The following FNBP1L variants were observed in gnomAD, a reference collection of about 807,000 sequenced individuals.
The protein encoded by FNBP1L is formin-binding protein 1-like.
Under a neutral mutation model 91.2 loss-of-function variants are expected in FNBP1L, and 36 were observed. That is an observed-to-expected ratio of 0.39 (90% CI 0.30 to 0.52). The LOEUF (loss-of-function observed/expected upper bound fraction) is 0.52, where lower values mean the gene tolerates loss of function less well. FNBP1L is among the 20% of genes least tolerant of loss of function. The pLI, the probability that FNBP1L is intolerant of heterozygous loss-of-function variation, is 0.66. For missense variants in FNBP1L, 571 were observed against 732.1 expected (o/e 0.78, Z 2.54); for synonymous variants, 242 against 237.0 (o/e 1.02, Z -0.19).
rs190879575 is a variant in FNBP1L, at chr1:93,523,515, A to G, written c.342+24A>G. 349 of 1,585,370 alleles carry G rather than the reference A, an allele frequency of 2.2e-4. 1 individual carries two copies. In the African/African-American group the frequency reaches 4.3e-3, roughly 20 times the overall value. ...TGGTAATTCTTACAATTTTCATCCA[A>G]TTGCAATAGTATATGAAATAGTCAC... On this transcript the variant is annotated intron_variant, in intron 4 of 16. Transcript: ENST00000271234.
At chr1:93,547,179 T>C (rs1226462011) in intron 13 of FNBP1L, among the ~76,000 whole-genome samples, 168 bp from the exon 14 acceptor site, 1 of 152,210 alleles carries the variant, frequency 6.6e-6, no homozygotes, top group African/African-American at 2.4e-5. Context: ...TTATACTATT[T>C]TTTTGAATCA....
At chr1:93,508,375 T>C (rs1266750524) in intron 2 of FNBP1L, among the ~76,000 whole-genome samples, 6 of 152,088 alleles carry the variant, frequency 3.9e-5, no homozygotes, top group Admixed American at 3.9e-4. Context: ...GTGTCTTCTT[T>C]CAGAGCATAT....
chr1:93,551,780 C>T (rs1332341293), intron 16 of FNBP1L: 3 of 985,162 alleles, frequency 3.0e-6, no homozygotes, highest in Admixed American at 6.2e-5. Flanking sequence ...TTGTTTGAGA[C>T]CTCAAAATAT....
chr1:93,494,433 G>A (rs987368935), intron 1 of FNBP1L, among the ~76,000 whole-genome samples: 1 of 152,106 alleles, frequency 6.6e-6, no homozygotes, highest in Admixed American at 6.5e-5. Context: ...ATTAATTATT[G>A]TTGATTAAAT....
intron 2 of FNBP1L, among the ~76,000 whole-genome samples, chr1:93,501,927 A>G (rs1670450678): frequency 6.6e-6 from 1 of 152,178 alleles, no homozygotes; most frequent in Non-Finnish European, 1.5e-5. Context: ...AGGTGTTTGC[A>G]CAAAACTCTT....
Position 93,551,005 on chromosome 1 carries a change from G to T in FNBP1L, c.1710G>T (p.Glu570Asp), listed in dbSNP as rs773891724. ...KEGEVLYIIE[E>D]DKGDGWTRAR... ...GTGAAGTTCTCTACATTATAGAGGA[G>T]GACAAAGGTGACGGATGGACAAGAG... Residue 570 changes from glutamate (E) to aspartate (D), a missense_variant, in exon 16 of 17, where the codon GAG becomes GAT. Glu to Asp is a conservative substitution (Grantham distance 45, BLOSUM62 2). Around this residue, in one of 5 missense-constraint regions of FNBP1L, gnomAD observed 189 missense variants for 219.7 expected, o/e 0.86. Coordinates refer to ENST00000271234, the MANE Select transcript of FNBP1L (RefSeq NM_001164473.3). 21 of 1,612,532 alleles carry T rather than the reference G, an allele frequency of 1.3e-5. No homozygotes were observed. In the African/African-American group the frequency reaches 2.7e-4, roughly 21 times the overall value.
chr1:93,468,815 CTATTTTTAACCATTT>C (rs559019962), intron 1 of FNBP1L, among the ~76,000 whole-genome samples: 33 of 152,246 alleles, frequency 2.2e-4, no homozygotes, highest in African/African-American at 7.5e-4. Context: ...TATGGTAACT[CTATTTTTAACCATTT>C]TAGGAACTCC....
chr1:93,498,495 TTA>T (rs1322411842), intron 1 of FNBP1L, among the ~76,000 whole-genome samples: 5 of 152,140 alleles, frequency 3.3e-5, no homozygotes, highest in Admixed American at 6.5e-5. Flanking sequence ...TTTTGATGGT[TTA>T]AGGTAGAGAA....
chr1:93,491,676 A>C (rs1467140293), intron 1 of FNBP1L, among the ~76,000 whole-genome samples: 2 of 152,216 alleles, frequency 1.3e-5, no homozygotes, highest in East Asian at 3.8e-4. Context: ...CTTGTAGCTA[A>C]ACTTGTATTA....
chr1:93,515,479 G>A lies in FNBP1L; in HGVS notation c.141-6603G>A, dbSNP rs1348390454. Among the ~76,000 whole-genome samples, 4 of 151,984 alleles carry A rather than the reference G, an allele frequency of 2.6e-5. No individual in the cohort carries two copies. In the East Asian group the frequency reaches 5.8e-4, roughly 22 times the overall value. On this transcript the variant is annotated intron_variant, in intron 2 of 16. Coordinates refer to ENST00000271234, the MANE Select transcript of FNBP1L (RefSeq NM_001164473.3). ...ACACATGCACACGTATATTTATTGC[G>A]GCATTATTCGCAATAGCAAAGACTT...
chr1:93,517,709 C>T (rs531684559), intron 2 of FNBP1L, among the ~76,000 whole-genome samples: 36 of 152,228 alleles, frequency 2.4e-4, no homozygotes, highest in African/African-American at 8.7e-4. Flanking sequence ...TTAGTTCATC[C>T]TTACTGTTCT....
intron 2 of FNBP1L, among the ~76,000 whole-genome samples, chr1:93,515,864 T>C (rs957835815): frequency 6.6e-6 from 1 of 152,186 alleles, no homozygotes; most frequent in Non-Finnish European, 1.5e-5. Context: ...TGTATACATA[T>C]GTAGCTAACT....
chr1:93,509,976 T>C (rs969686422), intron 2 of FNBP1L, among the ~76,000 whole-genome samples: 8 of 152,172 alleles, frequency 5.3e-5, no homozygotes, highest in South Asian at 2.1e-4. Context: ...CACGGAGTCT[T>C]GCTGATTGCT....
chr1:93,497,916 G>T (rs1387568672), intron 1 of FNBP1L, among the ~76,000 whole-genome samples: 1 of 151,786 alleles, frequency 6.6e-6, no homozygotes, highest in African/African-American at 2.4e-5. Context: ...CACTGCGCCC[G>T]GCCATAATAT....
At chr1:93,453,015 C>G (rs939718256) in intron 1 of FNBP1L, among the ~76,000 whole-genome samples, 4 of 152,160 alleles carry the variant, frequency 2.6e-5, no homozygotes, top group Non-Finnish European at 5.9e-5. Flanking sequence ...TACATTGATA[C>G]CACTGCCCAG....
intron 2 of FNBP1L, among the ~76,000 whole-genome samples, chr1:93,520,817 T>G (rs1156982852): frequency 1.3e-5 from 2 of 152,028 alleles, no homozygotes; most frequent in East Asian, 3.9e-4. Context: ...CTGAGGCAGG[T>G]GGATCACCTG....
chr1:93,525,864 G>C (rs1489161958), intron 5 of FNBP1L, among the ~76,000 whole-genome samples: 1 of 152,160 alleles, frequency 6.6e-6, no homozygotes, highest in Non-Finnish European at 1.5e-5. Context: ...TGTTTTTGTA[G>C]CACTTGCAGT....
intron 1 of FNBP1L, among the ~76,000 whole-genome samples, chr1:93,458,863 G>A (rs1344706137): frequency 6.6e-6 from 1 of 152,146 alleles, no homozygotes; most frequent in Non-Finnish European, 1.5e-5. Flanking sequence ...ATCTCTTACT[G>A]TGCTTAATTT....
At chr1:93,523,603 A>G in intron 4 of FNBP1L, 112 bp downstream of exon 4, 3 of 997,718 alleles carry the variant, frequency 3.0e-6, no homozygotes, top group Non-Finnish European at 4.3e-6. Flanking sequence ...CTATTTCACT[A>G]CATTTCTTCT....
Sources: allele counts gnomAD v4.1 joint callset (sites outside exome capture counted in the v4.1 genomes callset), GRCh38; gene constraint gnomAD v4.1.1; regional missense constraint gnomAD v4.1.1; transcripts MANE v1.5; gene names NCBI Gene and HGNC (gene_info 2026-07-23, HGNC 2026-07-21).